Variants in SNAPC3 observed in about 807,000 individuals in gnomAD.
SNAPC3 encodes the protein snRNA-activating protein complex subunit 3.
In SNAPC3, 56 loss-of-function variants were observed where a neutral mutation model predicts 47.7. That is an observed-to-expected ratio of 1.18 (90% CI 0.95 to 1.47). The LOEUF (loss-of-function observed/expected upper bound fraction) is 1.47. SNAPC3 is among the 40% of genes most tolerant of loss of function. The pLI, the probability that SNAPC3 is intolerant of heterozygous loss-of-function variation, is 0.00. For missense variants in SNAPC3, 665 were observed against 511.3 expected (o/e 1.30, Z -2.90); for synonymous variants, 235 against 189.9 (o/e 1.24, Z -1.95).
chr9:15,430,931 T>TA (rs1167609151), intron 2 of SNAPC3, among the ~76,000 whole-genome samples: 1 of 152,186 alleles, frequency 6.6e-6, no homozygotes, highest in Non-Finnish European at 1.5e-5. Context: ...TCTTCAAATT[T>TA]ACCTCTTTTT....
At chr9:15,441,927 TGGC>T (rs2033427724) in intron 3 of SNAPC3, among the ~76,000 whole-genome samples, 1 of 152,078 alleles carries the variant, frequency 6.6e-6, no homozygotes, top group South Asian at 2.1e-4. Flanking sequence ...CCAGACGTGG[TGGC>T]GGCCGGGCAG....
chr9:15,464,079 T>A (rs2035442162), downstream of SNAPC3: 1 of 178,044 alleles, frequency 5.6e-6, no homozygotes, highest in South Asian at 2.0e-4. Flanking sequence ...GATAGAAAAA[T>A]TCTTTAATGA....
At chr9:15,432,662 G>A (rs887252753) in intron 2 of SNAPC3, among the ~76,000 whole-genome samples, 2 of 152,178 alleles carry the variant, frequency 1.3e-5, no homozygotes, top group African/African-American at 4.8e-5. Context: ...ACAATTATCT[G>A]TAGGTTCATA....
intron 2 of SNAPC3, among the ~76,000 whole-genome samples, chr9:15,432,169 C>T (rs905666382): frequency 6.6e-6 from 1 of 151,848 alleles, no homozygotes; most frequent in Non-Finnish European, 1.5e-5. Flanking sequence ...TGGAGAAAGA[C>T]GTTATAAACA....
At chr9:15,424,084 AC>A in intron 2 of SNAPC3, 98 bp downstream of exon 2, 1 of 578,322 alleles carries the variant, frequency 1.7e-6, no homozygotes, top group Non-Finnish European at 3.0e-6. Flanking sequence ...TTGTCTGTAT[AC>A]CCACCCCTTA....
downstream of SNAPC3, chr9:15,463,319 G>C (rs2035364098): frequency 6.9e-6 from 1 of 144,078 alleles, no homozygotes; most frequent in African/African-American, 2.6e-5. Context: ...CTGCCTCCCG[G>C]GTTCAAGCAA....
intron 2 of SNAPC3, among the ~76,000 whole-genome samples, chr9:15,426,359 C>G (rs2031398105): frequency 6.6e-6 from 1 of 152,136 alleles, no homozygotes; most frequent in South Asian, 2.1e-4. Flanking sequence ...CTTGTATGCT[C>G]ATGTAGCACC....
At chr9:15,423,880 TA>T in intron 1 of SNAPC3, 28 bp from the exon 2 acceptor site, 1 of 1,414,714 alleles carries the variant, frequency 7.1e-7, no homozygotes, top group Non-Finnish European at 9.7e-7. Context: ...GAGTCGACCT[TA>T]AAGTATTGCT....
intron 2 of SNAPC3, 92 bp from the exon 3 acceptor site, chr9:15,433,460 A>C: frequency 1.2e-6 from 1 of 832,702 alleles, no homozygotes; most frequent in Non-Finnish European, 2.0e-6. Flanking sequence ...AATTAGTTCA[A>C]AATAAAAAAA....
At chr9:15,439,064 C>T (rs976658115) in intron 3 of SNAPC3, among the ~76,000 whole-genome samples, 6 of 151,962 alleles carry the variant, frequency 3.9e-5, no homozygotes, top group Non-Finnish European at 8.8e-5. Flanking sequence ...GGCTGGAGTG[C>T]GGTGGCGCCA....
intron 7 of SNAPC3, among the ~76,000 whole-genome samples, chr9:15,454,638 C>G (rs2034635149): frequency 1.3e-5 from 2 of 152,158 alleles, no homozygotes; most frequent in Non-Finnish European, 1.5e-5. Context: ...GACAGGTACA[C>G]TGAAAATTAA....
Position 15,423,079 on chromosome 9 carries a change from C to T in SNAPC3, c.200C>T (p.Pro67Leu), listed in dbSNP as rs774724820. The T allele has an allele frequency of 4.6e-6, 7 of 1,518,984 alleles. No individual in the cohort carries two copies. The Admixed American group carries it at 7.4e-5, about 16-fold the overall frequency. The allele number at this position is 1,518,984 out of a possible 1,614,324, so 94.1% of individuals were successfully genotyped here. Residue 67 changes from proline (P) to leucine (L), a missense_variant, in exon 1 of 9, where the codon CCG (proline) becomes CTG (leucine). Transcript: ENST00000380821. Reference sequence around the variant, plus strand: ...GGGGACTTGTCGCTGAGGGAGCCGCCGGCATCCGCTCTGCCTGGGAGCCAG... The same window carrying T: ...GGGGACTTGTCGCTGAGGGAGCCGCTGGCATCCGCTCTGCCTGGGAGCCAG... ...GAGDLSLREP[P>L]ASALPGSQAA... is the part of the protein sequence containing the mutation.
chr9:15,463,137 CAGA>C (rs1257189783), downstream of SNAPC3: 1 of 150,850 alleles, frequency 6.6e-6, no homozygotes, highest in African/African-American at 2.4e-5. Context: ...TTCTCAGATT[CAGA>C]TAGATGTATC....
At chr9:15,424,540 CAA>C (rs1446930053) in intron 2 of SNAPC3, among the ~76,000 whole-genome samples, 2 of 150,938 alleles carry the variant, frequency 1.3e-5, no homozygotes, top group Non-Finnish European at 2.9e-5. Flanking sequence ...TTAAAAAAGA[CAA>C]ACACAATATA....
intron 2 of SNAPC3, among the ~76,000 whole-genome samples, chr9:15,425,564 A>G (rs1177684104): frequency 1.3e-5 from 2 of 152,102 alleles, no homozygotes; most frequent in Non-Finnish European, 2.9e-5. Flanking sequence ...AGATTACCAC[A>G]ACCCATCTTT....
intron 3 of SNAPC3, among the ~76,000 whole-genome samples, chr9:15,443,077 A>G (rs891485404): frequency 6.6e-6 from 1 of 152,316 alleles, no homozygotes; most frequent in Admixed American, 6.5e-5. Flanking sequence ...AGGCTGAGGC[A>G]GGAGAATCAG....
Position 15,446,458 on chromosome 9 carries a change from C to T in SNAPC3, c.583-637C>T, listed in dbSNP as rs1001537267. Among the ~76,000 whole-genome samples, 10 of 152,324 alleles carry T rather than the reference C, an allele frequency of 6.6e-5. No individual in the cohort carries two copies. The East Asian group carries it at 1.4e-3, about 21-fold the overall frequency. On this transcript the variant is annotated intron_variant, in intron 4 of 8. Transcript: ENST00000380821. ...CTAGGCTCAAGCAATCCTCCTGCTT[C>T]GGCCTCCCAAAGTGTTGGGATTACA...
At chr9:15,433,686 C>T (rs775994478) in intron 3 of SNAPC3, 50 bp downstream of exon 3, 17 of 1,161,166 alleles carry the variant, frequency 1.5e-5, no homozygotes, top group East Asian at 4.7e-5. Flanking sequence ...AACAGTAAAC[C>T]GACATTGGCT....
intron 3 of SNAPC3, among the ~76,000 whole-genome samples, chr9:15,434,216 A>G (rs773871161): frequency 1.5e-4 from 23 of 152,200 alleles, no homozygotes; most frequent in Non-Finnish European, 2.9e-4. Context: ...TACATTCACA[A>G]TGCTGTAAAT....
Sources: gnomAD v4.1 joint callset for allele counts (sites outside exome capture counted in the v4.1 genomes callset) on GRCh38, gnomAD v4.1.1 for gene constraint, MANE v1.5 for transcripts, NCBI Gene and HGNC (gene_info 2026-07-23, HGNC 2026-07-21) for gene names.